The following GAB4 variants were observed in gnomAD, a reference collection of about 807,000 sequenced individuals.
GAB4 encodes GRB2 associated binding protein family member 4, also known as GRB2-associated-binding protein 4.
In GAB4, 26 loss-of-function variants were observed where a neutral mutation model predicts 51.3. The ratio of observed to expected loss-of-function variants is 0.51; its 90% confidence interval spans 0.37 to 0.70. GAB4 has a LOEUF of 0.70. GAB4 is among the 30% of genes least tolerant of loss of function. The pLI, the probability that GAB4 is intolerant of heterozygous loss-of-function variation, is 0.00. For missense variants in GAB4, 759 were observed against 734.6 expected, an observed-to-expected ratio of 1.03 and a Z score of -0.38; for synonymous variants, 329 against 291.2, an observed-to-expected ratio of 1.13 and a Z score of -1.32.
At chr22:16,987,684 C>CT (rs2060879138) in intron 3 of GAB4, among the ~76,000 whole-genome samples, 1 of 152,090 alleles carries the variant, frequency 6.6e-6, no homozygotes, top group Admixed American at 6.5e-5. Context: ...GCCTCTAATG[C>CT]TTTTTTCCCC....
intron 2 of GAB4, among the ~76,000 whole-genome samples, chr22:16,990,543 T>C (rs1452033655): frequency 6.6e-6 from 1 of 151,992 alleles, no homozygotes; most frequent in African/African-American, 2.4e-5. Flanking sequence ...AACCCTGTCC[T>C]GTCACCCCAT....
chr22:16,989,325 AG>A (rs1469516339), intron 2 of GAB4, among the ~76,000 whole-genome samples: 1 of 152,202 alleles, frequency 6.6e-6, no homozygotes, highest in Non-Finnish European at 1.5e-5. Flanking sequence ...GTCATATCAG[AG>A]GGGGCAGAGT....
rs775405230 is a variant in GAB4 at position 16,966,255 on chromosome 22, T to C, written c.1133A>G (p.Asp378Gly). The change falls in exon 6 of 10, where the codon GAT becomes GGT. Residue 378 changes from aspartate to glycine, a missense_variant. Transcript: ENST00000400588. ...CACAGGGATGCAGACACCCTGGGAA[T>C]CATCGCCTGCTTGCTTCACAGCCGG... is the stretch of plus-strand genomic sequence containing the variant. The part of the protein sequence containing the change: ...TLPAVKQAGD[D>G]SQGVCIPVGS... 21 of 1,613,832 alleles carry C rather than the reference T, an allele frequency of 1.3e-5. No homozygotes were observed. Among genetic ancestry groups the C allele is most frequent in the Non-Finnish European group, 1.8e-5 (21 of 1,180,004 alleles).
chr22:16,962,822 G>A lies in GAB4; in HGVS notation c.1636C>T (p.Leu546=), dbSNP rs757826410. ...TTCTGCAGGGCCTGGGTCTTCTCCAGATCCACCTGGACATAGTCCACCTTC... is the reference window on the plus strand; with the variant it reads ...TTCTGCAGGGCCTGGGTCTTCTCCAAATCCACCTGGACATAGTCCACCTTC... ...GKKVDYVQVD[L]EKTQALQKTM... The change falls in exon 10 of 10, where the codon CTG becomes TTG. Residue 546 remains leucine (L), a synonymous_variant. Coordinates refer to ENST00000400588, the MANE Select transcript of GAB4 (RefSeq NM_001037814.1). The A allele has an allele frequency of 3.7e-6, 6 of 1,613,556 alleles. No homozygotes were observed. The highest frequency in any genetic ancestry group is 4.5e-5 in the East Asian group (2 of 44,876).
chr22:16,977,842 G>A (rs1189795176), intron 3 of GAB4, among the ~76,000 whole-genome samples: 2 of 152,214 alleles, frequency 1.3e-5, no homozygotes, highest in African/African-American at 2.4e-5. Flanking sequence ...TCAGACCACA[G>A]TGCAATCAAA....
chr22:16,970,010 G>T lies in GAB4; in HGVS notation c.870C>A (p.Ile290=). ...GGCCATGGGAGGCCAGGCTCCAGGG[G>T]ATTCTGTGGGTGCTGCCTCTGAATT... ...NAEFRGSTHR[I]PWSLASHGHT... The change falls in exon 4 of 10, where the codon ATC becomes ATA. Residue 290 remains isoleucine, a synonymous_variant. Transcript: ENST00000400588. 3 of 1,614,176 alleles carry T rather than the reference G, an allele frequency of 1.9e-6. No homozygotes were observed. The South Asian group carries it at 3.3e-5, about 18-fold the overall frequency.
At position 16,964,784 on chromosome 22, in the gene GAB4, T is replaced by C. The variant is rs772808255; in HGVS notation, c.1458A>G (p.Gly486=). 5.6e-6 allele frequency: 9 copies of C among 1,613,272 alleles called. No individual in the cohort carries two copies. The highest frequency in any genetic ancestry group is 1.7e-5 in the Admixed American group (1 of 59,990). Reference sequence around the variant, plus strand: ...GACTCACCGGGAAAAGATACCTCTCTCCACTGTCTTCTGAGTCTGTGTTGG... The same window carrying C: ...GACTCACCGGGAAAAGATACCTCTCCCCACTGTCTTCTGAGTCTGTGTTGG... ...SITNTDSEDS[G]ERYLFPNPAS... Residue 486 remains glycine, a synonymous_variant, in exon 8 of 10, where the codon GGA becomes GGG. Coordinates refer to ENST00000400588, the MANE Select transcript of GAB4 (RefSeq NM_001037814.1).
At chr22:16,982,297 G>C (rs1118498) in intron 3 of GAB4, among the ~76,000 whole-genome samples, 3,388 of 152,204 alleles carry the variant, frequency 0.022, 56 homozygotes, top group Middle Eastern at 0.068. Flanking sequence ...ATGCCAAAAG[G>C]CTGTTGGAAC....
At position 16,969,928 on chromosome 22, in the gene GAB4, T is replaced by G. The variant is rs1197450634; in HGVS notation, c.937+15A>C. The G allele has an allele frequency of 6.2e-7, 1 of 1,613,958 alleles. No homozygotes were observed. Among genetic ancestry groups the G allele is most frequent in the Non-Finnish European group, 8.5e-7 (1 of 1,180,002 alleles). ...TGGAACAGGGTGCTTCTGGGTGCCT[T>G]GAAGGGGTACACACCCTCATTATCC... On this transcript the variant is annotated intron_variant, in intron 4 of 9. Coordinates refer to ENST00000400588, the MANE Select transcript of GAB4 (RefSeq NM_001037814.1).
In GAB4 at chr22:16,965,241, T is replaced by A; in HGVS notation, c.1316A>T (p.Asn439Ile). ...KANPTPPNLRNNRVINELSFK... is the reference protein window; with the variant it reads ...KANPTPPNLRINRVINELSFK... The stretch of plus-strand genomic sequence containing the variant: ...GGAGAGCTCATTGATGACCCTGTTG[T>A]TTCTCAGGTTGGGCGGTGTTGGGTT... Residue 439 changes from asparagine to isoleucine, a missense_variant, in exon 7 of 10, where the codon AAC becomes ATC. Asn to Ile is a moderately radical substitution (Grantham distance 149). Coordinates refer to ENST00000400588, the MANE Select transcript of GAB4 (RefSeq NM_001037814.1). The A allele has an allele frequency of 6.2e-7, 1 of 1,614,078 alleles. No homozygotes were observed. The highest frequency in any genetic ancestry group is 8.5e-7 in the Non-Finnish European group (1 of 1,179,968).
chr22:16,994,928 T>C (rs1555911282), intron 1 of GAB4, among the ~76,000 whole-genome samples: 1 of 152,262 alleles, frequency 6.6e-6, no homozygotes, highest in Non-Finnish European at 1.5e-5. Context: ...TTTTCACAGA[T>C]ACGACTAATT....
intron 1 of GAB4, among the ~76,000 whole-genome samples, chr22:17,000,471 T>C (rs2060988645): frequency 6.6e-6 from 1 of 152,160 alleles, no homozygotes; most frequent in Admixed American, 6.6e-5. Flanking sequence ...CCTGCTTTTT[T>C]TTTGTTTTCT....
rs1449843861 is a variant in GAB4, at chr22:16,984,596, T to C, written c.686+3364A>G. Among the ~76,000 whole-genome samples, 5 of 152,122 alleles carry C rather than the reference T, an allele frequency of 3.3e-5. No individual in the cohort carries two copies. In the East Asian group the frequency reaches 9.6e-4, roughly 29 times the overall value. The stretch of plus-strand genomic sequence containing the variant: ...GTTGTGTTTTGTGTAGACTGTGGGT[T>C]GCCATAATCCTTGGGAGAATGTTGA... On this transcript the variant is annotated intron_variant, in intron 3 of 9. Coordinates refer to ENST00000400588, the MANE Select transcript of GAB4 (RefSeq NM_001037814.1).
Position 17,007,968 on chromosome 22 carries a change from C to T in GAB4, c.147G>A (p.Ser49=), listed in dbSNP as rs1283277102. ...HVLYSGWLRK[S]PPEKKLRLFA... ...AGAGCCTCAGCTTCTTCTCGGGGGG[C>T]GACTTCCTCAGCCAGCCGCTGTACA... The change falls in exon 1 of 10, where the codon TCG becomes TCA. Residue 49 remains serine, a synonymous_variant. Coordinates refer to ENST00000400588, the MANE Select transcript of GAB4 (RefSeq NM_001037814.1). 3.7e-6 allele frequency: 6 copies of T among 1,604,760 alleles called. No individual in the cohort carries two copies. The highest frequency in any genetic ancestry group is 5.1e-6 in the Non-Finnish European group (6 of 1,173,816).
intron 4 of GAB4, among the ~76,000 whole-genome samples, chr22:16,969,206 T>C (rs767719418): frequency 6.6e-6 from 1 of 152,364 alleles, no homozygotes; most frequent in South Asian, 2.1e-4. Context: ...GGAAAATATT[T>C]TGAAGATCTC....
Position 16,966,258 on chromosome 22 carries a change from T to A in GAB4, c.1130A>T (p.Asp377Val), listed in dbSNP as rs762029124. 1.2e-6 allele frequency: 2 copies of A among 1,613,952 alleles called. No individual in the cohort carries two copies. The highest frequency in any genetic ancestry group is 2.2e-5 in the South Asian group (2 of 91,076). Residue 377 changes from aspartate (D) to valine (V), a missense_variant, in exon 6 of 10, where the codon GAT (aspartate) becomes GTT (valine). Physicochemically the swap from Asp to Val is radical, Grantham distance 152 (BLOSUM62 -3). Transcript: ENST00000400588. ...AGGGATGCAGACACCCTGGGAATCA[T>A]CGCCTGCTTGCTTCACAGCCGGCAG... ...PTLPAVKQAG[D>V]DSQGVCIPVG... is the part of the protein sequence containing the mutation.
chr22:16,975,015 G>A (rs768603402), intron 3 of GAB4, among the ~76,000 whole-genome samples: 4 of 152,164 alleles, frequency 2.6e-5, no homozygotes, highest in African/African-American at 4.8e-5. Context: ...CACAACTCAC[G>A]ACCAGGAGAT....
chr22:16,996,201 G>A (rs768183330), intron 1 of GAB4, among the ~76,000 whole-genome samples: 1 of 151,354 alleles, frequency 6.6e-6, no homozygotes, highest in Non-Finnish European at 1.5e-5. Context: ...GCAGAAGACA[G>A]GATATCAGAG....
chr22:17,004,755 A>C lies in GAB4; in HGVS notation c.174+3186T>G, dbSNP rs142602028. Among the ~76,000 whole-genome samples, 658 of 152,252 alleles carry C rather than the reference A, an allele frequency of 4.3e-3. 5 individuals are homozygous for C. The highest frequency in any genetic ancestry group is 0.015 in the African/African-American group (629 of 41,560). ...AAAAAGAACCAATGACAAAAACCAC[A>C]TGATTATCTCAATAGATGCAGAACA... On this transcript the variant is annotated intron_variant, in intron 1 of 9. Transcript: ENST00000400588.
Sources: allele counts gnomAD v4.1 joint callset (sites outside exome capture counted in the v4.1 genomes callset), GRCh38; gene constraint gnomAD v4.1.1; transcripts MANE v1.5; gene names NCBI Gene and HGNC (gene_info 2026-07-23, HGNC 2026-07-21).